The following CCDC102B variants were observed in gnomAD, a reference collection of about 807,000 sequenced individuals.
CCDC102B encodes the protein coiled-coil domain-containing protein 102B.
In CCDC102B, 75 loss-of-function variants were observed where a neutral mutation model predicts 57.4. That is an observed-to-expected ratio of 1.31 (90% CI 1.08 to 1.58). CCDC102B has a LOEUF of 1.58. CCDC102B is among the 40% of genes most tolerant of loss of function. The pLI is 0.00. For missense variants in CCDC102B, 636 were observed against 582.6 expected, an observed-to-expected ratio of 1.09 and a Z score of -0.94; for synonymous variants, 206 against 201.9, an observed-to-expected ratio of 1.02 and a Z score of -0.17.
chr18:68,719,582 T>C (rs1437921084), intron 2 of CCDC102B, among the ~76,000 whole-genome samples: 1 of 152,122 alleles, frequency 6.6e-6, no homozygotes, highest in Non-Finnish European at 1.5e-5. Context: ...TTTCAATGAA[T>C]TGGATGATGC....
Position 68,806,646 on chromosome 18 carries a change from A to T in CCDC102B, c.-16+8465A>T, listed in dbSNP as rs146110025. ...AAGAGAAGCTCTTAAAGTCTATTGG[A>T]TGCTCTACAGCTATTTTGTCCAATA... On this transcript the variant is annotated intron_variant, in intron 1 of 7. Transcript: ENST00000360242. 1.1e-3 allele frequency among the ~76,000 whole-genome samples: 160 copies of T among 152,298 alleles called. 2 individuals are homozygous for T. The highest frequency in any genetic ancestry group is 6.8e-3 in the Admixed American group (104 of 15,308).
At chr18:68,882,688 A>C (rs1169710824) in intron 5 of CCDC102B, among the ~76,000 whole-genome samples, 1 of 152,234 alleles carries the variant, frequency 6.6e-6, no homozygotes, top group Non-Finnish European at 1.5e-5. Flanking sequence ...CAACAATAAA[A>C]GGATTGCCAC....
At chr18:68,780,086 T>C (rs139205802) in intron 2 of CCDC102B, among the ~76,000 whole-genome samples, 40 of 152,298 alleles carry the variant, frequency 2.6e-4, no homozygotes, top group Admixed American at 7.9e-4. Flanking sequence ...TTGCAGATTC[T>C]GCACATTCTA....
chr18:68,999,875 G>T (rs898651999), intron 6 of CCDC102B, among the ~76,000 whole-genome samples: 1 of 152,100 alleles, frequency 6.6e-6, no homozygotes. Flanking sequence ...ATCAAATAGT[G>T]CATTATCAGT....
intron 7 of CCDC102B, among the ~76,000 whole-genome samples, chr18:69,031,870 A>T (rs560833994): frequency 6.6e-6 from 1 of 152,310 alleles, no homozygotes; most frequent in South Asian, 2.1e-4. Flanking sequence ...AAGCAAAATC[A>T]AGTAGGTTCA....
chr18:69,022,223 A>ATATATATATATATATATATC (rs1160074383), intron 7 of CCDC102B, among the ~76,000 whole-genome samples: 3 of 100,594 alleles, frequency 3.0e-5, no homozygotes, highest in African/African-American at 1.3e-4. Context: ...ATATATATAT[A>ATATATATATATATATATATC]ACACACACAC....
At chr18:68,965,083 G>C (rs941556952) in intron 6 of CCDC102B, among the ~76,000 whole-genome samples, 3 of 151,798 alleles carry the variant, frequency 2.0e-5, no homozygotes, top group Admixed American at 2.0e-4. Flanking sequence ...AGTTTATCTT[G>C]TTTGCTGTTT....
At chr18:68,824,419 G>C (rs2036824123) in intron 1 of CCDC102B, among the ~76,000 whole-genome samples, 2 of 152,298 alleles carry the variant, frequency 1.3e-5, no homozygotes, top group Admixed American at 1.3e-4. Context: ...AAAGTCTTTA[G>C]GGTTTTCTAA....
At chr18:68,970,071 G>A (rs2050262967) in intron 6 of CCDC102B, among the ~76,000 whole-genome samples, 1 of 151,912 alleles carries the variant, frequency 6.6e-6, no homozygotes, top group African/African-American at 2.4e-5. Context: ...AGAAATTTAG[G>A]TTCTTTTTAA....
At chr18:69,034,495 A>G (rs73967771) in intron 7 of CCDC102B, among the ~76,000 whole-genome samples, 1,872 of 152,034 alleles carry the variant, frequency 0.012, 48 homozygotes, top group African/African-American at 0.042. Context: ...TTTGGCACTC[A>G]TGTCAAAAAG....
intron 1 of CCDC102B, among the ~76,000 whole-genome samples, chr18:68,829,587 C>A (rs1371312092): frequency 6.6e-6 from 1 of 151,936 alleles, no homozygotes; most frequent in Non-Finnish European, 1.5e-5. Context: ...TCCAGTCAGC[C>A]AACATAAAGC....
rs116539221 is a variant in CCDC102B, at chr18:68,778,472, G to A, written c.-66-44894G>A. On this transcript the variant is annotated intron_variant, in intron 2 of 3. Transcript: ENST00000578970. ...GAGATGTACCCGGTTTTAGTTTGCC[G>A]TCTCAGCAGATATTGCTGATTCAGA... Among the ~76,000 whole-genome samples, 346 of 152,174 alleles carry A rather than the reference G, an allele frequency of 2.3e-3. 1 individual carries two copies. Among genetic ancestry groups the A allele is most frequent in the African/African-American group, 7.7e-3 (321 of 41,544 alleles).
Position 69,032,327 on chromosome 18 carries a change from G to A in CCDC102B, c.1434+21223G>A, listed in dbSNP as rs148616834. On this transcript the variant is annotated intron_variant, in intron 7 of 7. Transcript: ENST00000360242. Reference sequence around the variant, plus strand: ...ATTTATATCCCCAAAGAGGAAAGTGGGAAATAATGCAGATCATGTGATGAT... The same window carrying A: ...ATTTATATCCCCAAAGAGGAAAGTGAGAAATAATGCAGATCATGTGATGAT... Among the ~76,000 whole-genome samples, 9 of 152,246 alleles carry A rather than the reference G, an allele frequency of 5.9e-5. No homozygotes were observed. In the East Asian group the frequency reaches 1.5e-3, roughly 26 times the overall value.
chr18:68,956,550 AATATTATATATATTATATATTT>A (rs2049895923), intron 6 of CCDC102B, among the ~76,000 whole-genome samples: 3 of 1,592 alleles, frequency 1.9e-3, no homozygotes, highest in Admixed American at 0.015. Flanking sequence ...TATATATATA[AATATTATATATATTATATATTT>A]TATATATATA....
chr18:68,721,818 CTTG>C (rs567569617), intron 2 of CCDC102B, among the ~76,000 whole-genome samples: 44 of 152,286 alleles, frequency 2.9e-4, no homozygotes, highest in African/African-American at 9.6e-4. Flanking sequence ...ATTCCAGTTT[CTTG>C]TTGTTGCTTT....
intron 6 of CCDC102B, among the ~76,000 whole-genome samples, chr18:68,963,871 T>C (rs1278865987): frequency 1.3e-5 from 2 of 151,862 alleles, no homozygotes; most frequent in African/African-American, 2.4e-5. Context: ...TAATAATTCT[T>C]CTAGATGAAA....
intron 3 of CCDC102B, among the ~76,000 whole-genome samples, chr18:68,839,959 T>G (rs1359518436): frequency 6.6e-6 from 1 of 152,150 alleles, no homozygotes; most frequent in African/African-American, 2.4e-5. Flanking sequence ...TGGGATGCAG[T>G]CATTGTGGCA....
intron 6 of CCDC102B, among the ~76,000 whole-genome samples, chr18:68,961,426 A>G (rs1419922587): frequency 1.3e-5 from 2 of 151,994 alleles, no homozygotes; most frequent in Non-Finnish European, 2.9e-5. Flanking sequence ...TAACTTAGGT[A>G]TTGTAAAATG....
intron 6 of CCDC102B, chr18:68,992,945 G>A: frequency 5.7e-6 from 1 of 176,070 alleles, no homozygotes. Context: ...CTGCCCACCA[G>A]AGGTCTGAGT....
Sources: gnomAD v4.1 joint callset for allele counts (sites outside exome capture counted in the v4.1 genomes callset) on GRCh38, gnomAD v4.1.1 for gene constraint, MANE v1.5 for transcripts, NCBI Gene and HGNC (gene_info 2026-07-23, HGNC 2026-07-21) for gene names.